Variants in PRKG1 observed in about 807,000 individuals in gnomAD.
PRKG1 encodes the protein cGMP-dependent protein kinase 1.
In PRKG1, 35 loss-of-function variants were observed where a neutral mutation model predicts 88.1. The observed-to-expected ratio is 0.40, with a 90% CI of 0.30 to 0.53. The LOEUF (loss-of-function observed/expected upper bound fraction) is 0.53. Ranked by LOEUF, PRKG1 falls within the 20% of genes least tolerant of loss-of-function variation. The pLI is 0.59. For missense variants in PRKG1, 540 were observed against 839.8 expected (o/e 0.64, Z 4.41); for synonymous variants, 303 against 292.5 (o/e 1.04, Z -0.37).
At chr10:51,172,632 GTATGTAT>G (rs879703323) in intron 2 of PRKG1, among the ~76,000 whole-genome samples, 1,102 of 60,046 alleles carry the variant, frequency 0.018, 3 homozygotes, top group Non-Finnish European at 0.023. Flanking sequence ...ATGTATGTAT[GTATGTAT>G]GTATGTATGT....
rs7898503 is a variant in PRKG1 at position 51,294,511 on chromosome 10, A to C, written c.478+141181A>C. The stretch of plus-strand genomic sequence containing the variant: ...GTGTGTTCTTGGAACACTGTTAAAG[A>C]TCAGTTGATGGTAATGGGTGGATTC... On this transcript the variant is annotated intron_variant, in intron 2 of 17. Coordinates refer to ENST00000373980, the MANE Select transcript of PRKG1 (RefSeq NM_006258.4). Among the ~76,000 whole-genome samples, 622 of 152,226 alleles carry C rather than the reference A, an allele frequency of 4.1e-3. 7 individuals carry two copies. The highest frequency in any genetic ancestry group is 0.013 in the African/African-American group (553 of 41,548).
intron 3 of PRKG1, among the ~76,000 whole-genome samples, chr10:51,756,376 A>C (rs1837860592): frequency 6.6e-6 from 1 of 151,106 alleles, no homozygotes; most frequent in Admixed American, 6.6e-5. Flanking sequence ...TCTCCCAGTT[A>C]GTTGGGAGGC....
At chr10:52,031,411 A>G (rs186946425) in intron 5 of PRKG1, among the ~76,000 whole-genome samples, 1 of 152,186 alleles carries the variant, frequency 6.6e-6, no homozygotes, top group Non-Finnish European at 1.5e-5. Flanking sequence ...TCATCTGAAA[A>G]ATGGAGATAA....
intron 1 of PRKG1, among the ~76,000 whole-genome samples, chr10:51,049,060 A>C (rs1464681938): frequency 1.3e-5 from 2 of 151,434 alleles, no homozygotes; most frequent in African/African-American, 4.9e-5. Context: ...GTGTAGATGC[A>C]TGCTGCCATG....
chr10:52,242,594 T>G (rs1840895452), intron 9 of PRKG1, among the ~76,000 whole-genome samples: 1 of 152,134 alleles, frequency 6.6e-6, no homozygotes, highest in Non-Finnish European at 1.5e-5. Flanking sequence ...TCATGGACCT[T>G]TTTTAGAAAA....
chr10:51,926,434 A>T (rs576725745), intron 5 of PRKG1, among the ~76,000 whole-genome samples: 1 of 152,150 alleles, frequency 6.6e-6, no homozygotes, highest in South Asian at 2.1e-4. Flanking sequence ...GTGCTTTCTG[A>T]TGAGGATTGT....
At chr10:52,029,863 C>G (rs935166399) in intron 5 of PRKG1, among the ~76,000 whole-genome samples, 1 of 152,200 alleles carries the variant, frequency 6.6e-6, no homozygotes, top group Non-Finnish European at 1.5e-5. Context: ...AGTACATATC[C>G]TCAGGTGTCT....
intron 3 of PRKG1, among the ~76,000 whole-genome samples, chr10:51,672,114 CA>C (rs1221982345): frequency 6.7e-6 from 1 of 149,408 alleles, no homozygotes; most frequent in Non-Finnish European, 1.5e-5. Context: ...ATGTTGATCT[CA>C]TTTGAGATTT....
intron 3 of PRKG1, among the ~76,000 whole-genome samples, chr10:51,479,180 A>G (rs1301739605): frequency 1.3e-5 from 2 of 151,910 alleles, no homozygotes; most frequent in African/African-American, 4.8e-5. Context: ...ACAGCAGAAT[A>G]TTTTTCTGTA....
In PRKG1 at chr10:52,092,476, G is replaced by A. The variant is rs111572370; in HGVS notation, c.935+29845G>A. Among the ~76,000 whole-genome samples, 642 of 152,162 alleles carry A rather than the reference G, an allele frequency of 4.2e-3. 8 individuals are homozygous for A. The highest frequency in any genetic ancestry group is 0.015 in the African/African-American group (610 of 41,518). ...AAAGTTTGATTCTTTTCCTTGTGAT[G>A]TGGAAGCTGCTGATATTCTTTGGTC... On this transcript the variant is annotated intron_variant, in intron 7 of 17. Coordinates refer to ENST00000373980, the MANE Select transcript of PRKG1 (RefSeq NM_006258.4).
chr10:51,503,748 T>G (rs11596696), intron 3 of PRKG1, among the ~76,000 whole-genome samples: 1 of 152,012 alleles, frequency 6.6e-6, no homozygotes, highest in Non-Finnish European at 1.5e-5. Flanking sequence ...TGTAGAGTAC[T>G]TGAAAGAGCT....
chr10:52,088,705 GA>G (rs1033916707), intron 7 of PRKG1, among the ~76,000 whole-genome samples: 10 of 152,168 alleles, frequency 6.6e-5, no homozygotes, highest in African/African-American at 2.4e-4. Flanking sequence ...CCAACCTCTA[GA>G]ACTGTAAGAA....
At chr10:51,981,992 T>G (rs1844022494) in intron 5 of PRKG1, among the ~76,000 whole-genome samples, 1 of 152,210 alleles carries the variant, frequency 6.6e-6, no homozygotes, top group African/African-American at 2.4e-5. Flanking sequence ...CTCATATATC[T>G]TAGAGGTTTT....
At chr10:51,809,910 C>T (rs963843099) in intron 4 of PRKG1, among the ~76,000 whole-genome samples, 6 of 152,156 alleles carry the variant, frequency 3.9e-5, no homozygotes, top group Admixed American at 3.9e-4. Context: ...CTTCTTTATT[C>T]TCTCATCCTC....
intron 3 of PRKG1, among the ~76,000 whole-genome samples, chr10:51,620,105 T>C (rs905740590): frequency 1.3e-5 from 2 of 152,102 alleles, no homozygotes; most frequent in East Asian, 3.9e-4. Context: ...CAACAAACAC[T>C]AATATATTTA....
chr10:51,329,620 G>A (rs925308850), intron 2 of PRKG1, among the ~76,000 whole-genome samples: 1 of 152,144 alleles, frequency 6.6e-6, no homozygotes, highest in African/African-American at 2.4e-5. Flanking sequence ...AGGTGGTAAT[G>A]AACCCCCTCA....
chr10:52,054,867 G>T (rs1484261712), intron 6 of PRKG1, among the ~76,000 whole-genome samples: 1 of 152,174 alleles, frequency 6.6e-6, no homozygotes, highest in Non-Finnish European at 1.5e-5. Context: ...GGATGTGATG[G>T]CTCATGCCTG....
At chr10:51,429,895 T>G (rs763980427) in intron 2 of PRKG1, among the ~76,000 whole-genome samples, 4 of 151,230 alleles carry the variant, frequency 2.6e-5, no homozygotes, top group African/African-American at 7.3e-5. Flanking sequence ...AGCATACCAA[T>G]GTACACACAA....
intron 4 of PRKG1, among the ~76,000 whole-genome samples, chr10:51,828,044 T>A (rs1389547745): frequency 6.6e-6 from 1 of 152,140 alleles, no homozygotes; most frequent in Non-Finnish European, 1.5e-5. Flanking sequence ...ATTGGAAAAG[T>A]CAGTAATGAC....
Sources: gnomAD v4.1 joint callset for allele counts (sites outside exome capture counted in the v4.1 genomes callset) on GRCh38, gnomAD v4.1.1 for gene constraint, MANE v1.5 for transcripts, NCBI Gene and HGNC (gene_info 2026-07-23, HGNC 2026-07-21) for gene names.